Variants in SOX13 observed in about 807,000 individuals in gnomAD.
The protein encoded by SOX13 is transcription factor SOX-13.
In SOX13, 28 loss-of-function variants were observed where a neutral mutation model predicts 71.8. That is an observed-to-expected ratio of 0.39 (90% CI 0.29 to 0.53). The LOEUF is 0.53. Ranked by LOEUF, SOX13 falls within the 20% of genes least tolerant of loss-of-function variation. The probability of loss-of-function intolerance (pLI) is 0.70; values close to 1 mark genes in which losing one functional copy is unlikely to be tolerated. For synonymous variants in SOX13, 309 were observed against 317.8 expected (o/e 0.97, Z 0.29); for missense variants, 627 against 810.3 (o/e 0.77, Z 2.75).
chr1:204,074,990 GA>G (rs1278028632), intron 1 of SOX13, among the ~76,000 whole-genome samples: 1 of 152,098 alleles, frequency 6.6e-6, no homozygotes, highest in East Asian at 1.9e-4. Context: ...AAGACGGCCA[GA>G]GACGATGCTG....
chr1:204,114,081 T>C (rs1042406071), intron 2 of SOX13, among the ~76,000 whole-genome samples: 2 of 152,204 alleles, frequency 1.3e-5, no homozygotes, highest in Admixed American at 1.3e-4. Flanking sequence ...TTGTGTGGGA[T>C]CAAGCATCGT....
intron 1 of SOX13, among the ~76,000 whole-genome samples, chr1:204,095,631 T>C (rs537050266): frequency 7.2e-5 from 11 of 152,328 alleles, no homozygotes; most frequent in Admixed American, 2.0e-4. Flanking sequence ...CATAACTTAT[T>C]AGCAGTTTTT....
intron 1 of SOX13, among the ~76,000 whole-genome samples, chr1:204,096,112 T>C (rs1656245359): frequency 6.6e-6 from 1 of 152,158 alleles, no homozygotes; most frequent in Non-Finnish European, 1.5e-5. Flanking sequence ...TTGTTGTGAG[T>C]AATATTGCTA....
intron 1 of SOX13, among the ~76,000 whole-genome samples, chr1:204,109,715 G>C (rs1482969190): frequency 6.6e-6 from 1 of 152,192 alleles, no homozygotes; most frequent in Non-Finnish European, 1.5e-5. Flanking sequence ...GACCTCCAAA[G>C]ATACTAAAAT....
chr1:204,095,320 G>C (rs570244574), intron 1 of SOX13, among the ~76,000 whole-genome samples: 49 of 152,266 alleles, frequency 3.2e-4, no homozygotes, highest in African/African-American at 1.2e-3. Context: ...TGGGTCCCTT[G>C]AACTCCCTGC....
chr1:204,122,252 C>T lies in SOX13; in HGVS notation c.877C>T (p.Leu293=). ...TCTCCCTCAGGAGCCCTCCCAGCCCCTGAACCTCACAGCCAAGCCCAAGGC... is the reference window on the plus strand; with the variant it reads ...TCTCCCTCAGGAGCCCTCCCAGCCCTTGAACCTCACAGCCAAGCCCAAGGC... ...HHPLQEPSQP[L]NLTAKPKAPE... is the part of the protein sequence containing the mutation. Residue 293 remains leucine, a synonymous_variant, in exon 9 of 14, where the codon CTG becomes TTG. Coordinates refer to ENST00000367204, the MANE Select transcript of SOX13 (RefSeq NM_005686.3). 6.3e-7 allele frequency: 1 copy of T among 1,587,560 alleles called. No homozygotes were observed. Among genetic ancestry groups the T allele is most frequent in the Non-Finnish European group, 8.6e-7 (1 of 1,167,462 alleles).
At chr1:204,124,181 GGC>G (rs1305044282) in intron 12 of SOX13, among the ~76,000 whole-genome samples, 3 of 152,280 alleles carry the variant, frequency 2.0e-5, no homozygotes, top group African/African-American at 7.2e-5. Context: ...CCTGATTGGT[GGC>G]CACGGAGGGA....
intron 1 of SOX13, among the ~76,000 whole-genome samples, chr1:204,078,918 T>C (rs1212087328): frequency 2.0e-5 from 3 of 152,202 alleles, no homozygotes; most frequent in Admixed American, 6.5e-5. Context: ...AGCAGAGATA[T>C]GGTAGTTCCC....
chr1:204,080,906 CTTTTT>C (rs1180508830), intron 1 of SOX13, among the ~76,000 whole-genome samples: 2 of 122,754 alleles, frequency 1.6e-5, no homozygotes, highest in African/African-American at 6.3e-5. Context: ...CCTTTGTTGA[CTTTTT>C]TTTTTTTTTT....
chr1:204,079,823 A>G (rs916956037), intron 1 of SOX13, among the ~76,000 whole-genome samples: 1 of 152,216 alleles, frequency 6.6e-6, no homozygotes, highest in Non-Finnish European at 1.5e-5. Flanking sequence ...CAGATGGAAC[A>G]GCAGCAGTGG....
intron 1 of SOX13, chr1:204,074,105 T>A (rs1177854272): frequency 6.6e-6 from 1 of 152,022 alleles, no homozygotes; most frequent in Non-Finnish European, 1.5e-5. Flanking sequence ...TCAGCCCGAC[T>A]ATGCGCCTAG....
chr1:204,075,319 C>G (rs1655764444), intron 1 of SOX13, among the ~76,000 whole-genome samples: 1 of 152,196 alleles, frequency 6.6e-6, no homozygotes, highest in Admixed American at 6.5e-5. Flanking sequence ...CCCGCTCTCC[C>G]TCTCCCCCGC....
Position 204,114,367 on chromosome 1 carries a change from C to G in SOX13, c.266C>G (p.Pro89Arg), listed in dbSNP as rs769150969. ...AATGGGTCCCCAGAACCCAAGAGAC[C>G]AGGAGTGTCGGAGGCTGCCTCTGGA... ...EGNGSPEPKR[P>R]GVSEAASGSQ... is the part of the protein sequence containing the mutation. The change falls in exon 3 of 14, where the codon CCA becomes CGA. Residue 89 changes from proline (P) to arginine (R), a missense_variant. By Grantham distance (103) the Pro-to-Arg change is moderately radical (BLOSUM62 -2). This residue lies in a region of SOX13 where 447 missense variants were observed against 532.2 expected (regional missense o/e 0.84). Transcript: ENST00000367204. The G allele has an allele frequency of 2.5e-6, 4 of 1,611,960 alleles. No homozygotes were observed. The African/African-American group carries it at 4.0e-5, about 16-fold the overall frequency.
chr1:204,125,003 T>G (rs983940450), intron 13 of SOX13, 146 bp downstream of exon 13: 3 of 656,854 alleles, frequency 4.6e-6, no homozygotes, highest in African/African-American at 3.6e-5. Context: ...TATCTGTGTA[T>G]AGCTGAGCCT....
chr1:204,125,710 T>C (rs944582586), intron 13 of SOX13, 148 bp from the exon 14 acceptor site: 45 of 864,344 alleles, frequency 5.2e-5, no homozygotes, highest in Non-Finnish European at 7.3e-5. Context: ...AATTTGGCCA[T>C]CAGAAAGCAG....
intron 1 of SOX13, among the ~76,000 whole-genome samples, chr1:204,091,145 G>A (rs1656133329): frequency 6.6e-6 from 1 of 152,152 alleles, no homozygotes; most frequent in Admixed American, 6.5e-5. Context: ...CATTTTTGCT[G>A]CCTTCCGTAT....
At chr1:204,102,080 C>A (rs184878403) in intron 1 of SOX13, among the ~76,000 whole-genome samples, 1 of 152,270 alleles carries the variant, frequency 6.6e-6, no homozygotes, top group East Asian at 1.9e-4. Context: ...ACCAATGCTG[C>A]GTGTCTCCCA....
intron 1 of SOX13, among the ~76,000 whole-genome samples, chr1:204,098,581 C>T (rs948406833): frequency 2.0e-5 from 3 of 152,200 alleles, no homozygotes; most frequent in Admixed American, 1.3e-4. Context: ...AGAGTGACTA[C>T]GACTATTCAT....
intron 1 of SOX13, among the ~76,000 whole-genome samples, chr1:204,105,904 G>A (rs1006435215): frequency 1.3e-5 from 2 of 152,164 alleles, no homozygotes; most frequent in African/African-American, 2.4e-5. Context: ...AGACTAGGGT[G>A]GAAACTGAGG....
Sources: gnomAD v4.1 joint callset for allele counts (sites outside exome capture counted in the v4.1 genomes callset) on GRCh38, gnomAD v4.1.1 for gene constraint, gnomAD v4.1.1 regional missense constraint, MANE v1.5 for transcripts, NCBI Gene and HGNC (gene_info 2026-07-23, HGNC 2026-07-21) for gene names.